PRKAR2A: variants seen among roughly 807,000 people sequenced by gnomAD.
PRKAR2A encodes the protein cAMP-dependent protein kinase type II-alpha regulatory subunit.
A neutral mutation model predicts 51.9 loss-of-function variants in PRKAR2A; 29 were observed. That is an observed-to-expected ratio of 0.56 (90% CI 0.42 to 0.76). The LOEUF (loss-of-function observed/expected upper bound fraction) is 0.76, where lower values mean the gene tolerates loss of function less well. Among genes scored for constraint, PRKAR2A ranks in the 30% least tolerant of loss-of-function variants. PRKAR2A has a pLI of 0.00. For missense variants in PRKAR2A, 445 were observed against 512.1 expected, an observed-to-expected ratio of 0.87 and a Z score of 1.26; for synonymous variants, 178 against 186.2, an observed-to-expected ratio of 0.96 and a Z score of 0.36.
chr3:48,785,999 G>C (rs1421086676), intron 4 of PRKAR2A, among the ~76,000 whole-genome samples: 1 of 151,630 alleles, frequency 6.6e-6, no homozygotes, highest in Non-Finnish European at 1.5e-5. Flanking sequence ...ATACTAATCA[G>C]AAAAAATACT....
intron 8 of PRKAR2A, 124 bp downstream of exon 8, chr3:48,764,880 C>T (rs1575846556): frequency 1.3e-6 from 1 of 775,332 alleles, no homozygotes; most frequent in Middle Eastern, 2.4e-4. Flanking sequence ...CTGCCTCAGC[C>T]TCCCGAAGTG....
downstream of PRKAR2A, chr3:48,744,804 CA>C (rs2081543296): frequency 6.6e-6 from 1 of 152,108 alleles, no homozygotes; most frequent in Non-Finnish European, 1.5e-5. Context: ...GCTGTCACAG[CA>C]TCCTTGCTAG....
At chr3:48,745,173 CCT>C (rs1491161800), downstream of PRKAR2A, among the ~76,000 whole-genome samples, 1 of 149,180 alleles carries the variant, frequency 6.7e-6, no homozygotes, top group African/African-American at 2.5e-5. Flanking sequence ...CCGCACCCAG[CCT>C]TTTTTTTTTT....
chr3:48,834,731 A>C (rs2083251598), intron 1 of PRKAR2A, among the ~76,000 whole-genome samples: 1 of 151,994 alleles, frequency 6.6e-6, no homozygotes, highest in South Asian at 2.1e-4. Flanking sequence ...CTCAAGAAAA[A>C]AAAAAAAAAA....
chr3:48,762,756 C>T (rs947741628), intron 8 of PRKAR2A, among the ~76,000 whole-genome samples: 3 of 151,576 alleles, frequency 2.0e-5, no homozygotes, highest in East Asian at 3.9e-4. Flanking sequence ...AGGAAAACTC[C>T]GTCTCAAAAA....
At chr3:48,829,593 T>TAC (rs200822114) in intron 1 of PRKAR2A, among the ~76,000 whole-genome samples, 1 of 53,770 alleles carries the variant, frequency 1.9e-5, no homozygotes. Context: ...TGTGTATATA[T>TAC]ACACACACAT....
chr3:48,782,593 T>C (rs1385025357), intron 5 of PRKAR2A, among the ~76,000 whole-genome samples: 1 of 152,130 alleles, frequency 6.6e-6, no homozygotes, highest in African/African-American at 2.4e-5. Context: ...GCAGCTGGGA[T>C]TACAGGCATG....
Position 48,778,163 on chromosome 3 carries a change from CTTT to C in PRKAR2A, c.542+4820_542+4822del, listed in dbSNP as rs369836000. Among the ~76,000 whole-genome samples the C allele has an allele frequency of 1.2e-4, 19 of 152,148 alleles. No homozygotes were observed. In the South Asian group the frequency reaches 3.7e-3, roughly 30 times the overall value. ...CCTTTTTACTTGAACGACAATCTTT[CTTT>C]TTTGTTTTGTAGAGACAGGGGTCTC... On this transcript the variant is annotated intron_variant, in intron 5 of 10. Transcript: ENST00000265563.
chr3:48,832,922 TAC>T (rs926564409), intron 1 of PRKAR2A, among the ~76,000 whole-genome samples: 1 of 152,180 alleles, frequency 6.6e-6, no homozygotes, highest in African/African-American at 2.4e-5. Context: ...AAGTTCCTCA[TAC>T]AGTCTCCAGA....
rs368491432 is a variant in PRKAR2A at position 48,783,000 on chromosome 3, A to G, written c.528T>C (p.Phe176=). 3 of 1,610,240 alleles carry G rather than the reference A, an allele frequency of 1.9e-6. No individual in the cohort carries two copies. Among genetic ancestry groups the G allele is most frequent in the African/African-American group, 2.7e-5 (2 of 74,966 alleles). Residue 176 remains phenylalanine, a synonymous_variant, in exon 5 of 11, where the codon TTT becomes TTC. Coordinates refer to ENST00000265563, the MANE Select transcript of PRKAR2A (RefSeq NM_004157.4). ...VIDQGDDGDN[F]YVIERGTYDI... ...CCATCTCCTACCGTTCTATGACATA[A>G]AAGTTGTCTCCATCATCTCCTTGGT...
chr3:48,747,888 G>A lies in PRKAR2A; in HGVS notation c.*3697C>T, dbSNP rs1428655560. On this transcript the variant is annotated 3_prime_UTR_variant, in exon 11 of 11. Transcript: ENST00000265563. ...GCAGGGCTTGCCTGATGTGGACAAT[G>A]TGGATACCTCAGCCCTGAGTTGAAC... The A allele has an allele frequency of 6.6e-6, 1 of 152,222 alleles. No individual in the cohort carries two copies. The highest frequency in any genetic ancestry group is 1.9e-4 in the East Asian group (1 of 5,198). 9.4% of individuals were successfully genotyped at this position (152,222 alleles called of 1,614,324 possible). A position where few individuals can be genotyped will look rare whatever the true frequency, so the allele number is the denominator to read the frequency against.
intron 6 of PRKAR2A, among the ~76,000 whole-genome samples, chr3:48,765,717 C>CG (rs2081930749): frequency 1.0e-5 from 1 of 99,626 alleles, no homozygotes; most frequent in Non-Finnish European, 1.8e-5. Context: ...GAGTGAGACC[C>CG]TCATTTCAAA....
chr3:48,829,601 CATAA>C (rs1445543255), intron 1 of PRKAR2A, among the ~76,000 whole-genome samples: 5 of 68,834 alleles, frequency 7.3e-5, no homozygotes, highest in Non-Finnish European at 1.3e-4. Context: ...TATACACACA[CATAA>C]ATGTGTGTGT....
At chr3:48,802,906 A>C (rs1459749603) in intron 2 of PRKAR2A, among the ~76,000 whole-genome samples, 1 of 152,204 alleles carries the variant, frequency 6.6e-6, no homozygotes, top group Non-Finnish European at 1.5e-5. Flanking sequence ...AGGAGCTAAC[A>C]GCTAAAAGGA....
chr3:48,817,735 AAG>A (rs2082897063), intron 1 of PRKAR2A, among the ~76,000 whole-genome samples: 1 of 151,344 alleles, frequency 6.6e-6, no homozygotes. Flanking sequence ...TGAGGGAGAA[AAG>A]AGAGAGAAAA....
chr3:48,833,387 A>C (rs1451459110), intron 1 of PRKAR2A, among the ~76,000 whole-genome samples: 2 of 152,104 alleles, frequency 1.3e-5, no homozygotes, highest in African/African-American at 4.8e-5. Context: ...CACCATATAA[A>C]CAGCCCACGG....
At chr3:48,757,533 T>C (rs938094284) in intron 8 of PRKAR2A, among the ~76,000 whole-genome samples, 6 of 152,336 alleles carry the variant, frequency 3.9e-5, no homozygotes, top group South Asian at 2.1e-4. Flanking sequence ...TTAGTCCATA[T>C]TGTTAGATCA....
chr3:48,764,685 C>T (rs61602281), intron 8 of PRKAR2A, among the ~76,000 whole-genome samples: 6 of 152,040 alleles, frequency 3.9e-5, no homozygotes, highest in African/African-American at 7.2e-5. Context: ...GAGGCAGTGG[C>T]GCAATCTCGA....
At chr3:48,825,452 T>C (rs566538089) in intron 1 of PRKAR2A, among the ~76,000 whole-genome samples, 54 of 152,250 alleles carry the variant, frequency 3.5e-4, no homozygotes, top group African/African-American at 1.3e-3. Context: ...CTACCTTTTG[T>C]TGAGTACAGA....
Sources: gnomAD v4.1 joint callset for allele counts (sites outside exome capture counted in the v4.1 genomes callset) on GRCh38, gnomAD v4.1.1 for gene constraint, MANE v1.5 for transcripts, NCBI Gene and HGNC (gene_info 2026-07-23, HGNC 2026-07-21) for gene names.